ZNF280C: variants seen among roughly 807,000 people sequenced by gnomAD.
ZNF280C encodes zinc finger protein 280C, also known as suppressor of hairy wing homolog 3.
ZNF280C carries 14 observed loss-of-function variants against 53.6 expected under a neutral mutation model. The observed-to-expected ratio is 0.26, with a 90% CI of 0.17 to 0.41. The LOEUF is 0.41. Ranked by LOEUF, ZNF280C falls within the 10% of genes least tolerant of loss-of-function variation. ZNF280C has a pLI of 1.00. For missense variants in ZNF280C, 416 were observed against 547.1 expected (o/e 0.76, Z 2.39); for synonymous variants, 203 against 181.1 (o/e 1.12, Z -0.97).
At chrX:130,247,096 A>T in intron 2 of ZNF280C, 91 bp from the exon 3 acceptor site, 1 of 843,787 alleles carries the variant, frequency 1.2e-6, no homozygotes, top group Non-Finnish European at 1.7e-6. Flanking sequence ...GATGCACTGT[A>T]ATAATCCTAA....
chrX:130,220,474 CT>C lies in ZNF280C; in HGVS notation c.1401del (p.Gly468GlufsTer13). 8.4e-7 allele frequency: 1 copy of C among 1,191,373 alleles called. No individual in the cohort carries two copies. The highest frequency in any genetic ancestry group is 1.1e-6 in the Non-Finnish European group (1 of 887,815). On this transcript the variant is annotated frameshift_variant, in exon 13 of 19. Coordinates refer to ENST00000370978, the MANE Select transcript of ZNF280C (RefSeq NM_017666.5). LOFTEE classifies it high-confidence loss of function. Reference protein sequence around the residue: ...YMNHYMKHQKKGVHRCPKCRL... With the variant: ...YMNHYMKHQKXGVHRCPKCRL... ...CTGCATTTTGGGCAACGATGAACTC[CT>C]TTTTTCTGTTTACAGAAAATATTAG...
At chrX:130,237,041 T>C (rs2032342381) in intron 6 of ZNF280C, among the ~76,000 whole-genome samples, 1 of 112,176 alleles carries the variant, frequency 8.9e-6, no homozygotes, top group South Asian at 3.6e-4. Flanking sequence ...CATCAACTTA[T>C]ATTTAGATGC....
chrX:130,215,073 ATTGCT>A (rs1481965588), intron 15 of ZNF280C, 115 bp downstream of exon 15: 3 of 697,934 alleles, frequency 4.3e-6, no homozygotes, highest in Admixed American at 3.8e-5. Context: ...GAAGTTCCCT[ATTGCT>A]AGACCCTTTT....
intron 15 of ZNF280C, among the ~76,000 whole-genome samples, chrX:130,213,081 T>G (rs747511044): frequency 1.8e-5 from 2 of 111,948 alleles, no homozygotes; most frequent in Non-Finnish European, 3.8e-5. Context: ...TGGCCGGGCG[T>G]GGTGGCTCAC....
chrX:130,231,455 A>G (rs1429617914), intron 8 of ZNF280C, among the ~76,000 whole-genome samples: 1 of 112,145 alleles, frequency 8.9e-6, no homozygotes, highest in Non-Finnish European at 1.9e-5. Context: ...GAATTAACAC[A>G]GAAACAAAAA....
At chrX:130,236,381 CTAA>C (rs1402338147) in intron 7 of ZNF280C, 61 bp from the exon 8 acceptor site, 2 of 1,122,135 alleles carry the variant, frequency 1.8e-6, no homozygotes, top group African/African-American at 1.8e-5. Flanking sequence ...TAAATGACCA[CTAA>C]TAATGGTTTT....
At chrX:130,219,708 T>C (rs1404314142) in intron 13 of ZNF280C, among the ~76,000 whole-genome samples, 4 of 109,468 alleles carry the variant, frequency 3.7e-5, no homozygotes. Flanking sequence ...GACACAAAGA[T>C]AAATTAAATA....
chrX:130,208,829 G>A (rs1262524626), intron 16 of ZNF280C, among the ~76,000 whole-genome samples: 1 of 109,436 alleles, frequency 9.1e-6, no homozygotes, highest in Non-Finnish European at 1.9e-5. Flanking sequence ...CCAAGTAGCT[G>A]GGATTACAGG....
intron 13 of ZNF280C, among the ~76,000 whole-genome samples, chrX:130,219,592 A>G (rs1003590804): frequency 4.5e-5 from 5 of 110,276 alleles, no homozygotes; most frequent in African/African-American, 1.6e-4. Context: ...CATGAAAAAC[A>G]GCAATGCTAT....
At chrX:130,243,767 C>A in intron 4 of ZNF280C, 33 bp downstream of exon 4, 1 of 1,172,000 alleles carries the variant, frequency 8.5e-7, no homozygotes, top group African/African-American at 1.8e-5. Flanking sequence ...AAATATTTAA[C>A]TTTAAAATTG....
intron 2 of ZNF280C, among the ~76,000 whole-genome samples, chrX:130,249,166 C>T (rs181341104): frequency 9.0e-5 from 10 of 111,713 alleles, no homozygotes; most frequent in Admixed American, 2.8e-4. Context: ...CCTGCAACGG[C>T]CAGTGCCCCA....
In ZNF280C at chrX:130,205,420, GA is replaced by G. The variant is rs1603238494; in HGVS notation, c.2043-6del. The G allele has an allele frequency of 5.5e-6, 6 of 1,085,977 alleles. No individual in the cohort carries two copies. Among genetic ancestry groups the G allele is most frequent in the Non-Finnish European group, 7.5e-6 (6 of 798,354 alleles). 89.5% of individuals were successfully genotyped at this position (1,085,977 alleles called of 1,213,427 possible). On this transcript the variant is annotated splice_polypyrimidine_tract_variant and splice_region_variant and intron_variant, in intron 16 of 18. Coordinates refer to ENST00000370978, the MANE Select transcript of ZNF280C (RefSeq NM_017666.5). ...AGGCACACTAGAGTAATGCCCCTAT[GA>G]AAAAAAAGAAGACAGTAAGAAATAT...
At chrX:130,210,430 A>G (rs2124696602) in intron 15 of ZNF280C, among the ~76,000 whole-genome samples, 1 of 112,312 alleles carries the variant, frequency 8.9e-6, no homozygotes, top group East Asian at 2.8e-4. Flanking sequence ...CTATGATAGA[A>G]ATTGTTATAA....
In ZNF280C at chrX:130,204,842, G is replaced by A; in HGVS notation, c.*135C>T. 1 of 471,326 alleles carries A rather than the reference G, an allele frequency of 2.1e-6. No homozygotes were observed. The highest frequency in any genetic ancestry group is 7.6e-5 in the South Asian group (1 of 13,079). The allele number at this position is 471,326 out of a possible 1,213,427, so 38.8% of individuals were successfully genotyped here. ...TAGTGGCATCTGAAAGCTGAAAAGAGCTGAATAATGAGAGCTAGTGTCATA... is the reference window on the plus strand; with the variant it reads ...TAGTGGCATCTGAAAGCTGAAAAGAACTGAATAATGAGAGCTAGTGTCATA... On this transcript the variant is annotated 3_prime_UTR_variant, in exon 19 of 19. Transcript: ENST00000370978.
intron 13 of ZNF280C, among the ~76,000 whole-genome samples, chrX:130,218,361 A>G (rs1489213796): frequency 8.9e-6 from 1 of 111,787 alleles, no homozygotes; most frequent in African/African-American, 3.3e-5. Flanking sequence ...GGTTATGGTG[A>G]GCTTATATCA....
At chrX:130,226,986 A>G in intron 11 of ZNF280C, 81 bp from the exon 12 acceptor site, 10 of 954,067 alleles carry the variant, frequency 1.0e-5, no homozygotes, top group Non-Finnish European at 1.3e-5. Flanking sequence ...ATAACGGGTC[A>G]TCTGTTTGGA....
At chrX:130,252,649 G>A (rs1465901645) in intron 2 of ZNF280C, among the ~76,000 whole-genome samples, 1 of 110,679 alleles carries the variant, frequency 9.0e-6, no homozygotes, top group African/African-American at 3.3e-5. Flanking sequence ...GAACCCAGGA[G>A]GCGGAGGTTG....
chrX:130,262,373 T>C (rs1300071383), intron 1 of ZNF280C, among the ~76,000 whole-genome samples: 1 of 112,597 alleles, frequency 8.9e-6, no homozygotes, highest in Non-Finnish European at 1.9e-5. Context: ...GGAATTTCTA[T>C]GGGACGACAC....
rs140568650 is a variant in ZNF280C, at chrX:130,253,215, T to G, written c.32-6210A>C. On this transcript the variant is annotated intron_variant, in intron 2 of 18. Transcript: ENST00000370978. Reference sequence around the variant, plus strand: ...TAGGAATAGAGCTAACCAGGGAGGTTAAAGATCTCTTCAATGTGAATTACA... The same window carrying G: ...TAGGAATAGAGCTAACCAGGGAGGTGAAAGATCTCTTCAATGTGAATTACA... Among the ~76,000 whole-genome samples the G allele has an allele frequency of 4.5e-4, 50 of 112,143 alleles. 2 individuals are homozygous for G. In the East Asian group the frequency reaches 0.013, roughly 30 times the overall value.
Sources: allele counts gnomAD v4.1 joint callset (sites outside exome capture counted in the v4.1 genomes callset), GRCh38; gene constraint gnomAD v4.1.1; transcripts MANE v1.5; gene names NCBI Gene and HGNC (gene_info 2026-07-23, HGNC 2026-07-21).